GRK3: variants seen among roughly 807,000 people sequenced by gnomAD.
GRK3 encodes G protein-coupled receptor kinase 3, also known as adrenergic, beta, receptor kinase 2.
Under a neutral mutation model 95.7 loss-of-function variants are expected in GRK3, and 54 were observed. That is an observed-to-expected ratio of 0.56 (90% CI 0.45 to 0.71). The LOEUF (loss-of-function observed/expected upper bound fraction) is 0.71. GRK3 is among the 30% of genes least tolerant of loss of function. The pLI is 0.00. For synonymous variants in GRK3, 281 were observed against 290.8 expected, an observed-to-expected ratio of 0.97 and a Z score of 0.34; for missense variants, 649 against 851.2, an observed-to-expected ratio of 0.76 and a Z score of 2.96.
chr22:25,583,886 A>T (rs1246079498), intron 1 of GRK3, among the ~76,000 whole-genome samples: 1 of 152,248 alleles, frequency 6.6e-6, no homozygotes, highest in Non-Finnish European at 1.5e-5. Context: ...TGTATAGGTT[A>T]TAACATCATA....
At position 25,583,357 on chromosome 22, in the gene GRK3, C is replaced by CTT. The variant is rs113355685; in HGVS notation, c.113+18220_113+18221dup. On this transcript the variant is annotated intron_variant, in intron 1 of 20. Transcript: ENST00000324198. ...TTGTGGCCTGGCGTTTTTCTGTGTACTTTTTTTTTTTTTTTTTCTTAGTTA... is the reference window on the plus strand; with the variant it reads ...TTGTGGCCTGGCGTTTTTCTGTGTACTTTTTTTTTTTTTTTTTTTCTTAGTTA... Among the ~76,000 whole-genome samples the CTT allele has an allele frequency of 4.0e-3, 544 of 135,542 alleles. 6 individuals are homozygous for CTT. The highest frequency in any genetic ancestry group is 0.013 in the African/African-American group (466 of 36,204). The allele number at this position is 135,542 out of a possible 152,430, so 88.9% of individuals were successfully genotyped here.
chr22:25,645,635 A>C (rs2084775684), intron 3 of GRK3, among the ~76,000 whole-genome samples: 5 of 152,202 alleles, frequency 3.3e-5, no homozygotes. Context: ...AAACAGGATC[A>C]AAGCAGGCCA....
At chr22:25,622,335 T>G (rs1217341422) in intron 2 of GRK3, among the ~76,000 whole-genome samples, 1 of 152,106 alleles carries the variant, frequency 6.6e-6, no homozygotes, top group Non-Finnish European at 1.5e-5. Flanking sequence ...CGTCTGAGGG[T>G]ATCAGCCAGA....
chr22:25,640,974 A>AG (rs2084738767), intron 2 of GRK3, among the ~76,000 whole-genome samples: 1 of 152,218 alleles, frequency 6.6e-6, no homozygotes, highest in Non-Finnish European at 1.5e-5. Flanking sequence ...GCCCTAATCT[A>AG]GGCCATGCTT....
At chr22:25,686,452 G>A (rs548204735) in intron 10 of GRK3, among the ~76,000 whole-genome samples, 1 of 152,266 alleles carries the variant, frequency 6.6e-6, no homozygotes, top group African/African-American at 2.4e-5. Flanking sequence ...ATAGTGGTAG[G>A]GGAGCTTTTG....
intron 6 of GRK3, 30 bp downstream of exon 6, chr22:25,667,830 A>AT (rs777780661): frequency 9.9e-6 from 13 of 1,308,490 alleles, no homozygotes; most frequent in South Asian, 9.6e-5. Context: ...TATATACACA[A>AT]TTTTTTATCA....
chr22:25,584,453 A>G (rs1173042005), intron 1 of GRK3, among the ~76,000 whole-genome samples: 3 of 152,206 alleles, frequency 2.0e-5, no homozygotes, highest in Non-Finnish European at 2.9e-5. Flanking sequence ...TTATTGAATG[A>G]TGGCCCCAAA....
intron 13 of GRK3, among the ~76,000 whole-genome samples, chr22:25,699,949 C>T (rs2085244811): frequency 6.6e-6 from 1 of 152,190 alleles, no homozygotes; most frequent in African/African-American, 2.4e-5. Flanking sequence ...CTGCCCGCCT[C>T]GGCCTCCCAA....
At chr22:25,581,124 G>T (rs909932756) in intron 1 of GRK3, 7 of 152,174 alleles carry the variant, frequency 4.6e-5, no homozygotes, top group African/African-American at 1.4e-4. Flanking sequence ...CAAAAAAAGA[G>T]AAAAGTAAAA....
At chr22:25,638,800 C>T (rs1016240886) in intron 2 of GRK3, among the ~76,000 whole-genome samples, 1 of 152,186 alleles carries the variant, frequency 6.6e-6, no homozygotes, top group African/African-American at 2.4e-5. Flanking sequence ...TATTGTCCGT[C>T]CTCCTCAGCA....
chr22:25,709,495 T>C (rs1200576061), intron 15 of GRK3, among the ~76,000 whole-genome samples: 2 of 152,222 alleles, frequency 1.3e-5, no homozygotes, highest in East Asian at 3.8e-4. Flanking sequence ...TCCTATTACA[T>C]TATCTATTGC....
At chr22:25,685,822 A>G (rs985903363) in intron 10 of GRK3, among the ~76,000 whole-genome samples, 4 of 152,286 alleles carry the variant, frequency 2.6e-5, no homozygotes, top group African/African-American at 9.6e-5. Flanking sequence ...TATTTTTAGT[A>G]ACAAGAACTG....
intron 1 of GRK3, among the ~76,000 whole-genome samples, chr22:25,574,842 T>C (rs773175927): frequency 6.6e-6 from 1 of 152,204 alleles, no homozygotes; most frequent in Non-Finnish European, 1.5e-5. Context: ...AAGTCTAGAA[T>C]AGCGTGCAAA....
intron 1 of GRK3, among the ~76,000 whole-genome samples, chr22:25,598,517 T>A (rs1047362121): frequency 4.0e-5 from 6 of 151,418 alleles, no homozygotes; most frequent in East Asian, 1.9e-4. Flanking sequence ...ACAAAAAAAA[T>A]TTTAAAAATT....
At chr22:25,588,118 G>C (rs189156598) in intron 1 of GRK3, among the ~76,000 whole-genome samples, 1 of 152,124 alleles carries the variant, frequency 6.6e-6, no homozygotes, top group Admixed American at 6.5e-5. Context: ...TAATTTAAAG[G>C]GATAGTTTCA....
intron 15 of GRK3, 24 bp from the exon 16 acceptor site, chr22:25,709,874 C>T: frequency 6.3e-7 from 1 of 1,586,942 alleles, no homozygotes; most frequent in Non-Finnish European, 8.7e-7. Flanking sequence ...ATACTCAGCA[C>T]TGTTATGACT....
chr22:25,698,748 C>A (rs185091651), intron 13 of GRK3, among the ~76,000 whole-genome samples: 1 of 151,962 alleles, frequency 6.6e-6, no homozygotes, highest in Non-Finnish European at 1.5e-5. Context: ...CTGGAAGCAG[C>A]CTGGAGCAAT....
intron 3 of GRK3, among the ~76,000 whole-genome samples, chr22:25,650,499 T>G (rs547194889): frequency 6.6e-6 from 1 of 152,204 alleles, no homozygotes; most frequent in East Asian, 1.9e-4. Flanking sequence ...GTGCCACAAA[T>G]AGAAAATAGA....
At chr22:25,628,931 G>T (rs2084646067) in intron 2 of GRK3, among the ~76,000 whole-genome samples, 1 of 152,176 alleles carries the variant, frequency 6.6e-6, no homozygotes, top group Non-Finnish European at 1.5e-5. Flanking sequence ...TCCCTGAAAA[G>T]ATGGAAGAAA....
Sources: allele counts gnomAD v4.1 joint callset (sites outside exome capture counted in the v4.1 genomes callset), GRCh38; gene constraint gnomAD v4.1.1; transcripts MANE v1.5; gene names NCBI Gene and HGNC (gene_info 2026-07-23, HGNC 2026-07-21).